Variants in THSD7B observed in about 807,000 individuals in gnomAD.
The protein encoded by THSD7B is thrombospondin type-1 domain-containing protein 7B.
In THSD7B, 138 loss-of-function variants were observed where a neutral mutation model predicts 213.6. The ratio of observed to expected loss-of-function variants is 0.65; its 90% confidence interval spans 0.56 to 0.74. The LOEUF (loss-of-function observed/expected upper bound fraction) is 0.74. THSD7B is among the 30% of genes least tolerant of loss of function. The pLI is 0.00. For synonymous variants in THSD7B, 742 were observed against 687.0 expected, an observed-to-expected ratio of 1.08 and a Z score of -1.25; for missense variants, 1,931 against 1,991.5, an observed-to-expected ratio of 0.97 and a Z score of 0.58.
At chr2:137,669,977 A>G (rs1683528695) in intron 27 of THSD7B, among the ~76,000 whole-genome samples, 1 of 151,822 alleles carries the variant, frequency 6.6e-6, no homozygotes, top group African/African-American at 2.4e-5. Flanking sequence ...ACCACTTTCT[A>G]GAGCATTTAT....
At chr2:137,468,392 A>G (rs927402516) in intron 15 of THSD7B, among the ~76,000 whole-genome samples, 11 of 152,032 alleles carry the variant, frequency 7.2e-5, no homozygotes, top group African/African-American at 2.4e-4. Context: ...TTGGTTTAGT[A>G]TGTACATACC....
chr2:137,503,474 A>C (rs1679757750), intron 15 of THSD7B, among the ~76,000 whole-genome samples: 1 of 151,990 alleles, frequency 6.6e-6, no homozygotes, highest in African/African-American at 2.4e-5. Flanking sequence ...CATGAGAAAG[A>C]ATTTTGAAAA....
intron 6 of THSD7B, among the ~76,000 whole-genome samples, chr2:137,165,276 T>G (rs1680102337): frequency 1.3e-5 from 2 of 152,302 alleles, no homozygotes; most frequent in South Asian, 4.1e-4. Flanking sequence ...GTTTGGTATT[T>G]TATAAATGCT....
Position 137,616,334 on chromosome 2 carries a change from G to T in THSD7B, c.3565+18G>T. The T allele has an allele frequency of 6.2e-7, 1 of 1,605,690 alleles. No individual in the cohort carries two copies. Among genetic ancestry groups the T allele is most frequent in the South Asian group, 1.1e-5 (1 of 89,424 alleles). ...TCTAACAGGTACAGTTAAAATCTATGACCTTGTCGTTCTCCCTGAACATTG... is the reference window on the plus strand; with the variant it reads ...TCTAACAGGTACAGTTAAAATCTATTACCTTGTCGTTCTCCCTGAACATTG... On this transcript the variant is annotated intron_variant, in intron 18 of 27. Coordinates refer to ENST00000409968, the MANE Select transcript of THSD7B (RefSeq NM_001316349.2).
chr2:137,473,067 A>G (rs929612596), intron 15 of THSD7B, among the ~76,000 whole-genome samples: 3 of 150,894 alleles, frequency 2.0e-5, no homozygotes, highest in African/African-American at 7.3e-5. Flanking sequence ...CTTCAATTTT[A>G]TCATTGCAAA....
intron 10 of THSD7B, among the ~76,000 whole-genome samples, chr2:137,263,635 G>A (rs1285592595): frequency 6.6e-6 from 1 of 152,072 alleles, no homozygotes; most frequent in Non-Finnish European, 1.5e-5. Context: ...TAACATTCCT[G>A]GAAAGCAGAA....
In THSD7B at chr2:137,247,782, AT is replaced by A. The variant is rs887186349; in HGVS notation, c.2266+5219del. On this transcript the variant is annotated intron_variant, in intron 10 of 27. Transcript: ENST00000409968. Reference sequence around the variant, plus strand: ...TTTTCAGTATCAAAAACAGACAGTGATTTTTTTTTAAACACCTAGGCATGTA... The same window carrying A: ...TTTTCAGTATCAAAAACAGACAGTGATTTTTTTTAAACACCTAGGCATGTA... Among the ~76,000 whole-genome samples, 4 of 151,566 alleles carry A rather than the reference AT, an allele frequency of 2.6e-5. 1 individual carries two copies. The highest frequency in any genetic ancestry group is 4.2e-4 in the South Asian group (2 of 4,806).
At chr2:136,998,780 C>A (rs1231905357) in intron 2 of THSD7B, among the ~76,000 whole-genome samples, 1 of 152,060 alleles carries the variant, frequency 6.6e-6, no homozygotes, top group Admixed American at 6.6e-5. Context: ...AGTTCTGAGT[C>A]TAAAGTTGTT....
intron 12 of THSD7B, among the ~76,000 whole-genome samples, chr2:137,303,730 A>ATATATATATTTATATATATATTTT (rs1683670252): frequency 2.4e-5 from 3 of 126,686 alleles, no homozygotes; most frequent in Admixed American, 8.0e-5. Flanking sequence ...ATATATATTT[A>ATATATATATTTATATATATATTTT]TATATATATT....
intron 2 of THSD7B, among the ~76,000 whole-genome samples, chr2:137,023,911 C>T (rs938513176): frequency 2.0e-5 from 3 of 149,408 alleles, no homozygotes; most frequent in African/African-American, 7.5e-5. Context: ...CATTTCTCTT[C>T]GTCCTTCTAG....
intron 21 of THSD7B, among the ~76,000 whole-genome samples, chr2:137,653,012 A>G (rs1683168714): frequency 6.6e-6 from 1 of 152,048 alleles, no homozygotes; most frequent in African/African-American, 2.4e-5. Flanking sequence ...AGGATATTCC[A>G]TGTTTGTCCA....
intron 2 of THSD7B, among the ~76,000 whole-genome samples, chr2:137,013,908 G>A (rs930401797): frequency 2.0e-5 from 3 of 152,186 alleles, no homozygotes; most frequent in African/African-American, 7.2e-5. Context: ...GGGAGCCACA[G>A]CAGTCTGTTA....
At chr2:136,905,816 C>G (rs1684150797) in intron 2 of THSD7B, among the ~76,000 whole-genome samples, 1 of 152,184 alleles carries the variant, frequency 6.6e-6, no homozygotes, top group African/African-American at 2.4e-5. Context: ...AAAAACAGAA[C>G]TCCAGGGACA....
intron 16 of THSD7B, among the ~76,000 whole-genome samples, chr2:137,564,982 T>A (rs1438820387): frequency 6.6e-6 from 1 of 152,078 alleles, no homozygotes. Context: ...AAAATAAGGT[T>A]ATTGGTGTGG....
intron 9 of THSD7B, among the ~76,000 whole-genome samples, chr2:137,234,942 G>A (rs1163514942): frequency 2.0e-5 from 3 of 152,132 alleles, no homozygotes; most frequent in Admixed American, 6.5e-5. Context: ...TATTAGCAGT[G>A]TTCTTGGAAA....
chr2:137,545,487 C>G (rs553336385), intron 15 of THSD7B, among the ~76,000 whole-genome samples: 2 of 151,864 alleles, frequency 1.3e-5, no homozygotes, highest in South Asian at 2.1e-4. Context: ...AATGAAGCCA[C>G]CCCCGAAGAG....
At chr2:137,319,824 C>T (rs1477571331) in intron 12 of THSD7B, among the ~76,000 whole-genome samples, 1 of 151,960 alleles carries the variant, frequency 6.6e-6, no homozygotes, top group Non-Finnish European at 1.5e-5. Flanking sequence ...GCGGTGGTGG[C>T]GGGTGGCGGG....
chr2:137,446,749 A>G (rs6746483), intron 14 of THSD7B, among the ~76,000 whole-genome samples: 21,198 of 151,988 alleles, frequency 0.14, 2,293 homozygotes, highest in African/African-American at 0.3. Flanking sequence ...TTTTTGGTAG[A>G]AAAAACTGCT....
chr2:136,856,220 C>A (rs906525830), intron 1 of THSD7B, among the ~76,000 whole-genome samples: 6 of 152,094 alleles, frequency 3.9e-5, no homozygotes, highest in Admixed American at 2.0e-4. Context: ...ACGGATGATT[C>A]CCACATTAGC....
Sources: gnomAD v4.1 joint callset for allele counts (sites outside exome capture counted in the v4.1 genomes callset) on GRCh38, gnomAD v4.1.1 for gene constraint, MANE v1.5 for transcripts, NCBI Gene and HGNC (gene_info 2026-07-23, HGNC 2026-07-21) for gene names.